Variants in ZC3H3 observed in about 807,000 individuals in gnomAD.
ZC3H3 encodes the protein zinc finger CCCH domain-containing protein 3.
ZC3H3 carries 36 observed loss-of-function variants against 77.3 expected under a neutral mutation model. That is an observed-to-expected ratio of 0.47 (90% CI 0.36 to 0.61). ZC3H3 has a LOEUF of 0.61. Among genes scored for constraint, ZC3H3 ranks in the 20% least tolerant of loss-of-function variants. The probability of loss-of-function intolerance (pLI) is 0.00; values close to 1 mark genes in which losing one functional copy is unlikely to be tolerated. For missense variants in ZC3H3, 1,331 were observed against 1,312.2 expected (o/e 1.01, Z -0.22); for synonymous variants, 626 against 555.2 (o/e 1.13, Z -1.79).
chr8:143,452,112 C>G (rs150281165), intron 9 of ZC3H3, among the ~76,000 whole-genome samples: 2 of 152,354 alleles, frequency 1.3e-5, no homozygotes, highest in East Asian at 1.9e-4. Flanking sequence ...CCAGCCAACA[C>G]GCAAAACCAC....
intron 9 of ZC3H3, among the ~76,000 whole-genome samples, chr8:143,446,408 A>G (rs1436275752): frequency 6.6e-6 from 1 of 152,238 alleles, no homozygotes; most frequent in Non-Finnish European, 1.5e-5. Context: ...CTAACAGATT[A>G]AAGTCCAGGA....
chr8:143,518,893 G>A (rs1392361209), intron 3 of ZC3H3, among the ~76,000 whole-genome samples: 2 of 152,222 alleles, frequency 1.3e-5, no homozygotes, highest in African/African-American at 4.8e-5. Context: ...TGACCGGGGT[G>A]GCACCAGCCC....
At chr8:143,472,490 TCTC>T (rs999420465) in intron 5 of ZC3H3, among the ~76,000 whole-genome samples, 3 of 152,046 alleles carry the variant, frequency 2.0e-5, no homozygotes, top group African/African-American at 7.3e-5. Context: ...AGCCCCTCCC[TCTC>T]CTCCCCACTG....
intron 3 of ZC3H3, among the ~76,000 whole-genome samples, chr8:143,525,567 C>T (rs537955032): frequency 1.3e-5 from 2 of 152,204 alleles, no homozygotes; most frequent in East Asian, 3.8e-4. Flanking sequence ...CCTGAGGGGG[C>T]TCCTTGCATG....
At chr8:143,501,849 T>C (rs1821535698) in intron 4 of ZC3H3, among the ~76,000 whole-genome samples, 1 of 152,222 alleles carries the variant, frequency 6.6e-6, no homozygotes, top group South Asian at 2.1e-4. Flanking sequence ...GGCACACCCT[T>C]TGAGGCACAT....
At chr8:143,455,978 CAAAAAAAAAA>C (rs58754874) in intron 9 of ZC3H3, among the ~76,000 whole-genome samples, 7 of 40,918 alleles carry the variant, frequency 1.7e-4, no homozygotes, top group African/African-American at 6.6e-4. Flanking sequence ...GACTCTGTCT[CAAAAAAAAAA>C]AAAAAAAAAA....
chr8:143,489,449 G>C (rs931474667), intron 4 of ZC3H3, among the ~76,000 whole-genome samples: 4 of 152,120 alleles, frequency 2.6e-5, no homozygotes, highest in African/African-American at 7.2e-5. Context: ...CCGCGGCTGG[G>C]CCACGGAGCC....
At chr8:143,470,949 C>T (rs1009146611) in intron 5 of ZC3H3, among the ~76,000 whole-genome samples, 3 of 152,174 alleles carry the variant, frequency 2.0e-5, no homozygotes, top group Non-Finnish European at 4.4e-5. Context: ...AGAATAGACT[C>T]GGCTCCCACC....
intron 3 of ZC3H3, among the ~76,000 whole-genome samples, chr8:143,510,579 G>A (rs1433669262): frequency 1.3e-5 from 2 of 152,232 alleles, no homozygotes; most frequent in African/African-American, 4.8e-5. Flanking sequence ...CAGGAAGGAA[G>A]GGTCCCTCCC....
At chr8:143,510,462 G>A (rs776509877) in intron 3 of ZC3H3, among the ~76,000 whole-genome samples, 5 of 152,254 alleles carry the variant, frequency 3.3e-5, no homozygotes, top group African/African-American at 9.6e-5. Context: ...GGGCACAGCC[G>A]GACAGATGGG....
rs1820192927 is a variant in ZC3H3 at position 143,459,127 on chromosome 8, T to G, written c.2307+6590A>C. 2.0e-5 allele frequency among the ~76,000 whole-genome samples: 3 copies of G among 152,234 alleles called. No individual in the cohort carries two copies. In the South Asian group the frequency reaches 6.2e-4, roughly 31 times the overall value. The stretch of plus-strand genomic sequence containing the variant: ...GAAGGAAACATTTCCTAATTCACTC[T>G]GTGAGGCCAGTAGTACCCCGATAAC... On this transcript the variant is annotated intron_variant, in intron 9 of 11. Transcript: ENST00000262577.
intron 3 of ZC3H3, among the ~76,000 whole-genome samples, chr8:143,528,077 T>TG (rs1822476573): frequency 6.6e-6 from 1 of 152,202 alleles, no homozygotes; most frequent in Admixed American, 6.5e-5. Flanking sequence ...TCACTCTCGC[T>TG]GGGGCCAGGG....
chr8:143,486,650 C>G (rs1304340533), intron 4 of ZC3H3, among the ~76,000 whole-genome samples: 1 of 152,100 alleles, frequency 6.6e-6, no homozygotes, highest in Admixed American at 6.5e-5. Flanking sequence ...CACAGAATGG[C>G]ACCCGCTACA....
rs1350052159 is a variant in ZC3H3 at position 143,462,817 on chromosome 8, C to G, written c.2307+2900G>C. Among the ~76,000 whole-genome samples the G allele has an allele frequency of 6.6e-6, 1 of 152,192 alleles. No individual in the cohort carries two copies. Among genetic ancestry groups the G allele is most frequent in the Admixed American group, 6.5e-5 (1 of 15,280 alleles). Reference sequence around the variant, plus strand: ...CCCCTGCACACGTGCACACGATGCTCCCCAGCCCTGTGCACTGGGGGCGCT... The same window carrying G: ...CCCCTGCACACGTGCACACGATGCTGCCCAGCCCTGTGCACTGGGGGCGCT... On this transcript the variant is annotated intron_variant, in intron 9 of 11. Transcript: ENST00000262577. This position sits in a 1 kb window ranked among gnomAD's most constrained non-coding sequence, Gnocchi z 4.7.
At chr8:143,499,683 G>A (rs1322505661) in intron 4 of ZC3H3, among the ~76,000 whole-genome samples, 2 of 151,824 alleles carry the variant, frequency 1.3e-5, no homozygotes, top group Non-Finnish European at 2.9e-5. Context: ...GCTGCTCACA[G>A]TAGAGCCAGC....
intron 8 of ZC3H3, among the ~76,000 whole-genome samples, chr8:143,467,229 C>T (rs951933958): frequency 6.6e-6 from 1 of 152,236 alleles, no homozygotes; most frequent in Middle Eastern, 3.4e-3. Context: ...CTACAGCAAA[C>T]GGAGCTCCTC....
chr8:143,541,436 A>G lies in ZC3H3; in HGVS notation c.-15T>C. ...TTTTCCTCCATCTCCCGAGTCCGCG[A>G]CGGCCGGCCAGGCCCCCACGACGTC... On this transcript the variant is annotated 5_prime_UTR_variant, in exon 1 of 12. Coordinates refer to ENST00000262577, the MANE Select transcript of ZC3H3 (RefSeq NM_015117.3). 6.2e-7 allele frequency: 1 copy of G among 1,611,380 alleles called. No homozygotes were observed. Among genetic ancestry groups the G allele is most frequent in the Non-Finnish European group, 8.5e-7 (1 of 1,179,264 alleles).
At chr8:143,512,367 T>G (rs548840030) in intron 3 of ZC3H3, among the ~76,000 whole-genome samples, 278 of 152,378 alleles carry the variant, frequency 1.8e-3, no homozygotes, top group African/African-American at 6.2e-3. Flanking sequence ...TGTCCTTCTC[T>G]GACTAACGGC....
intron 4 of ZC3H3, among the ~76,000 whole-genome samples, chr8:143,503,989 G>A (rs544526952): frequency 2.6e-5 from 4 of 152,354 alleles, no homozygotes; most frequent in East Asian, 1.9e-4. Flanking sequence ...AGGAGGGGGA[G>A]AGAGAGGGCG....
Sources: gnomAD v4.1 joint callset for allele counts (sites outside exome capture counted in the v4.1 genomes callset) on GRCh38, gnomAD v4.1.1 for gene constraint, Gnocchi (gnomAD v3.1) non-coding constraint, MANE v1.5 for transcripts, NCBI Gene and HGNC (gene_info 2026-07-23, HGNC 2026-07-21) for gene names.